Variants in INTS6 observed in about 807,000 individuals in gnomAD.
INTS6 encodes DEAD box protein.
INTS6 carries 16 observed loss-of-function variants against 104.9 expected under a neutral mutation model. The ratio of observed to expected loss-of-function variants is 0.15; its 90% CI spans 0.10 to 0.23. INTS6 has a LOEUF of 0.23. Ranked by LOEUF, INTS6 falls within the 10% of genes least tolerant of loss-of-function variation. The pLI is 1.00. For synonymous variants in INTS6, 324 were observed against 358.7 expected (o/e 0.90, Z 1.09); for missense variants, 584 against 1,062.8 (o/e 0.55, Z 6.26).
rs753435285 is a variant in INTS6, at chr13:51,364,270, T to C, written c.*1482A>G. The C allele has an allele frequency of 6.8e-4, 1,002 of 1,478,978 alleles. No individual in the cohort carries two copies. Among genetic ancestry groups the C allele is most frequent in the Non-Finnish European group, 8.0e-4 (877 of 1,102,300 alleles). The allele number at this position is 1,478,978 out of a possible 1,614,324, so 91.6% of individuals were successfully genotyped here. A position where few individuals can be genotyped will look rare whatever the true frequency, so the allele number is the denominator to read the frequency against. The stretch of plus-strand genomic sequence containing the variant: ...TCTTCAGTATTGGGAGAGTTTCAAA[T>C]CCCCTAGACTAAATGCATGTTCTCC... On this transcript the variant is annotated 3_prime_UTR_variant, in exon 18 of 18. Transcript: ENST00000311234.
At chr13:51,420,967 A>G (rs766540275) in intron 4 of INTS6, 10 of 237,898 alleles carry the variant, frequency 4.2e-5, no homozygotes, top group Non-Finnish European at 6.8e-5. Flanking sequence ...GGGGTCTGAT[A>G]ATCATCATCA....
At position 51,450,720 on chromosome 13, in the gene INTS6, TG is replaced by T. The variant is rs1235941823; in HGVS notation, c.339+304del. 2.9e-6 allele frequency: 3 copies of T among 1,024,564 alleles called. No individual in the cohort carries two copies. In the East Asian group the frequency reaches 2.5e-4, roughly 87 times the overall value. The allele number at this position is 1,024,564 out of a possible 1,614,324, so 63.5% of individuals were successfully genotyped here. A position where few individuals can be genotyped will look rare whatever the true frequency, so the allele number is the denominator to read the frequency against. The stretch of plus-strand genomic sequence containing the variant: ...TTGCACATACAACATGAGTGTGGTG[TG>T]GTAGGATGCTTTTCCTTTTAGGTCT... On this transcript the variant is annotated intron_variant, in intron 3 of 17. Coordinates refer to ENST00000311234, the MANE Select transcript of INTS6 (RefSeq NM_012141.3).
chr13:51,417,892 T>C (rs946641240), intron 4 of INTS6, among the ~76,000 whole-genome samples: 2 of 152,240 alleles, frequency 1.3e-5, no homozygotes, highest in South Asian at 2.1e-4. Context: ...AGTACAATAC[T>C]GTTGCTTGTT....
chr13:51,439,634 C>T (rs189371874), intron 3 of INTS6: 9 of 152,322 alleles, frequency 5.9e-5, no homozygotes, highest in Admixed American at 5.2e-4. Flanking sequence ...CCTAAACCCC[C>T]ATCCCAACCA....
intron 15 of INTS6, among the ~76,000 whole-genome samples, chr13:51,371,799 A>C (rs993230759): frequency 6.6e-6 from 1 of 151,930 alleles, no homozygotes; most frequent in Non-Finnish European, 1.5e-5. Context: ...CTTCTACCTC[A>C]CAGAGCTCGG....
intron 17 of INTS6, among the ~76,000 whole-genome samples, chr13:51,366,255 G>A (rs993836413): frequency 3.9e-5 from 6 of 151,910 alleles, no homozygotes; most frequent in Non-Finnish European, 8.8e-5. Context: ...AAAGGAATGT[G>A]AACAAAGTAT....
chr13:51,441,516 C>T (rs1046347818), intron 3 of INTS6: 11 of 151,934 alleles, frequency 7.2e-5, no homozygotes, highest in African/African-American at 2.7e-4. Context: ...AGATATAATG[C>T]TTAGAAATTT....
At chr13:51,422,550 A>G (rs974067718) in intron 4 of INTS6, among the ~76,000 whole-genome samples, 7 of 152,282 alleles carry the variant, frequency 4.6e-5, no homozygotes, top group African/African-American at 1.4e-4. Flanking sequence ...CTTCCTGTCC[A>G]GCACTAGCTA....
the INTS6 span, among the ~76,000 whole-genome samples, chr13:51,348,929 C>T: frequency 8.1e-6 from 1 of 122,880 alleles, no homozygotes; most frequent in South Asian, 2.6e-4. Flanking sequence ...AGAAGGTTCT[C>T]ATTCTTTCTA....
intron 3 of INTS6, chr13:51,446,971 T>C (rs943684696): frequency 2.9e-4 from 44 of 152,282 alleles, no homozygotes; most frequent in African/African-American, 1.0e-3. Context: ...AATATGAATA[T>C]ACTTAACACT....
intron 3 of INTS6, chr13:51,450,200 T>C (rs181514701): frequency 7.8e-5 from 77 of 984,900 alleles, no homozygotes; most frequent in African/African-American, 7.5e-4. Flanking sequence ...TTGGAAATAA[T>C]ATTCCTTTGT....
At chr13:51,361,391 C>A (rs773605495), downstream of INTS6, 7 of 1,380,902 alleles carry the variant, frequency 5.1e-6, no homozygotes, top group South Asian at 8.3e-5. Flanking sequence ...CCCAGTCACA[C>A]TGCTTACCCA....
chr13:51,407,718 C>A (rs536320251), intron 4 of INTS6, among the ~76,000 whole-genome samples: 2 of 152,014 alleles, frequency 1.3e-5, no homozygotes, highest in Non-Finnish European at 2.9e-5. Context: ...TCCAAATAGA[C>A]GCATACATAC....
intron 4 of INTS6, among the ~76,000 whole-genome samples, chr13:51,403,849 C>T (rs1325251119): frequency 1.3e-5 from 2 of 151,942 alleles, no homozygotes; most frequent in African/African-American, 4.8e-5. Flanking sequence ...TCCACTCATG[C>T]GGTCTAAGCA....
intron 6 of INTS6, among the ~76,000 whole-genome samples, chr13:51,387,750 C>T (rs1246114254): frequency 6.6e-6 from 1 of 152,132 alleles, no homozygotes; most frequent in East Asian, 1.9e-4. Flanking sequence ...CAAATTCCAA[C>T]TATGAGTTCG....
chr13:51,370,639 T>C (rs1283961157), intron 15 of INTS6, among the ~76,000 whole-genome samples: 1 of 152,200 alleles, frequency 6.6e-6, no homozygotes, highest in East Asian at 1.9e-4. Context: ...AGTCCAATGG[T>C]GGTGGGCTGG....
At chr13:51,374,579 T>G in intron 14 of INTS6, 75 bp downstream of exon 14, 1 of 1,565,918 alleles carries the variant, frequency 6.4e-7, no homozygotes. Flanking sequence ...TCAGCTTACT[T>G]CAGTTAAATT....
intron 3 of INTS6, chr13:51,443,491 T>C (rs1314659862): frequency 6.6e-6 from 1 of 152,200 alleles, no homozygotes; most frequent in Non-Finnish European, 1.5e-5. Flanking sequence ...GTATTTTGTT[T>C]AAAGTCTGGC....
chr13:51,375,715 G>A (rs1320129937), intron 13 of INTS6, among the ~76,000 whole-genome samples: 1 of 150,464 alleles, frequency 6.6e-6, no homozygotes, highest in African/African-American at 2.5e-5. Flanking sequence ...CTTATTTTAA[G>A]TATACAGTTT....
Sources: allele counts gnomAD v4.1 joint callset (sites outside exome capture counted in the v4.1 genomes callset), GRCh38; gene constraint gnomAD v4.1.1; transcripts MANE v1.5; gene names NCBI Gene and HGNC (gene_info 2026-07-23, HGNC 2026-07-21).